REST: variants seen among roughly 807,000 people sequenced by gnomAD.
REST encodes the protein RE1 silencing transcription factor, also known as RE1-silencing transcription factor.
A neutral mutation model predicts 30.4 loss-of-function variants in REST; 1 was observed. That is an observed-to-expected ratio of 0.03 (90% confidence interval 0.01 to 0.16). REST has a LOEUF of 0.16. Ranked by LOEUF, REST falls within the 10% of genes least tolerant of loss-of-function variation. The pLI, the probability that REST is intolerant of heterozygous loss-of-function variation, is 1.00. For synonymous variants in REST, 504 were observed against 451.1 expected, an observed-to-expected ratio of 1.12 and a Z score of -1.49; for missense variants, 1,259 against 1,329.5, an observed-to-expected ratio of 0.95 and a Z score of 0.82.
rs1184775327 is a variant in REST at position 56,911,072 on chromosome 4, C to G, written c.434C>G (p.Pro145Arg). Residue 145 changes from proline to arginine, a missense_variant, in exon 2 of 4, where the codon CCT becomes CGT. Coordinates refer to ENST00000309042, the MANE Select transcript of REST (RefSeq NM_005612.5). ...AATAAAGATCTTCCCCCTGAAACACCTGGAGCGGAGGACAAAGGCAAGAGC... is the reference window on the plus strand; with the variant it reads ...AATAAAGATCTTCCCCCTGAAACACGTGGAGCGGAGGACAAAGGCAAGAGC... ...SSNKDLPPET[P>R]GAEDKGKSSK... 4 of 1,614,018 alleles carry G rather than the reference C, an allele frequency of 2.5e-6. No individual in the cohort carries two copies. The African/African-American group carries it at 4.0e-5, about 16-fold the overall frequency.
rs115143003 is a variant in REST at position 56,931,414 on chromosome 4, G to A, written c.2556G>A (p.Lys852=). 1.5e-3 allele frequency: 2,402 copies of A among 1,614,220 alleles called. 19 individuals are homozygous for A. The African/African-American group carries it at 0.018, about 12-fold the overall frequency. Residue 852 remains lysine (K), a synonymous_variant, in exon 4 of 4, where the codon AAG becomes AAA. Transcript: ENST00000309042. ...CTGTTAAAGATAGCTGGCTTCTAAA[G>A]GAAAGTGTAAGCACAGAGGATCTCT... ...LVPVKDSWLL[K]ESVSTEDLSP... is the part of the protein sequence containing the mutation.
intron 3 of REST, chr4:56,927,606 T>C: frequency 8.9e-7 from 1 of 1,124,212 alleles, no homozygotes; most frequent in African/African-American, 1.7e-5. Flanking sequence ...ATGCATTCCA[T>C]TGGACCAGTG....
intron 1 of REST, 27 bp from the exon 2 acceptor site, chr4:56,910,603 T>G: frequency 6.4e-7 from 1 of 1,556,652 alleles, no homozygotes; most frequent in Non-Finnish European, 8.7e-7. Context: ...AAACTGGTGC[T>G]CTTGTTTTGT....
Position 56,934,865 on chromosome 4 carries a change from G to A in REST, c.*2713G>A, listed in dbSNP as rs1343112868. 6.6e-6 allele frequency: 1 copy of A among 152,098 alleles called. No homozygotes were observed. The highest frequency in any genetic ancestry group is 2.4e-5 in the African/African-American group (1 of 41,422). 9.4% of individuals were successfully genotyped at this position (152,098 alleles called of 1,614,324 possible). A position where few individuals can be genotyped will look rare whatever the true frequency, so the allele number is the denominator to read the frequency against. On this transcript the variant is annotated 3_prime_UTR_variant, in exon 4 of 4. Transcript: ENST00000309042. ...AAGCCTTAATCTTAGGTAGTCTTAT[G>A]AAAATGAATCTCTTAACTATCTTTT...
intron 2 of REST, 21 bp from the exon 3 acceptor site, chr4:56,919,766 T>C: frequency 2.7e-6 from 4 of 1,504,106 alleles, no homozygotes; most frequent in Non-Finnish European, 3.7e-6. Context: ...TAAACACTCT[T>C]ATATTATTGA....
rs545931241 is a variant in REST at position 56,930,475 on chromosome 4, T to G, written c.1617T>G (p.Ser539=). The G allele has an allele frequency of 4.3e-6, 7 of 1,611,926 alleles. No individual in the cohort carries two copies. The South Asian group carries it at 6.6e-5, about 15-fold the overall frequency. ...ATGGTCCTGTGAATGATGAGGAATC[T>G]TCAACAAAAAAGAAAAAGAAGGTAG... The part of the protein sequence containing the change: ...SLHGPVNDEE[S]STKKKKKVES... Residue 539 remains serine, a synonymous_variant, in exon 4 of 4, where the codon TCT becomes TCG. Transcript: ENST00000309042.
rs1721097375 is a variant in REST at position 56,934,964 on chromosome 4, C to G, written c.*2812C>G. ...CCTCTTTTCAGAGCTGCTTCTTATT[C>G]TGGGGCTACTTTTTTTTTTAGTTGT... On this transcript the variant is annotated 3_prime_UTR_variant, in exon 4 of 4. Transcript: ENST00000309042. 6.9e-6 allele frequency: 1 copy of G among 144,600 alleles called. No individual in the cohort carries two copies. Among genetic ancestry groups the G allele is most frequent in the Admixed American group, 6.9e-5 (1 of 14,512 alleles). The allele number at this position is 144,600 out of a possible 1,614,324, so 9.0% of individuals were successfully genotyped here.
chr4:56,926,384 T>C (rs1479032920), intron 3 of REST, among the ~76,000 whole-genome samples: 1 of 150,074 alleles, frequency 6.7e-6, no homozygotes, highest in African/African-American at 2.4e-5. Flanking sequence ...TTTTTATTTA[T>C]TTATTTTTTT....
rs1386263469 is a variant in REST at position 56,930,979 on chromosome 4, A to G, written c.2121A>G (p.Glu707=). The G allele has an allele frequency of 6.2e-7, 1 of 1,614,070 alleles. No individual in the cohort carries two copies. Among genetic ancestry groups the G allele is most frequent in the Non-Finnish European group, 8.5e-7 (1 of 1,179,994 alleles). The change falls in exon 4 of 4, where the codon GAA becomes GAG. Residue 707 remains glutamate (E), a synonymous_variant. Coordinates refer to ENST00000309042, the MANE Select transcript of REST (RefSeq NM_005612.5). ...EVAQMGPAPM[E]PAQMEVAQVE... ...CCCAAATGGGGCCTGCTCCCATGGA[A>G]CCTGCTCAGATGGAGGTTGCCCAGG...
rs774475413 is a variant in REST at position 56,931,217 on chromosome 4, G to T, written c.2359G>T (p.Val787Leu). The change falls in exon 4 of 4, where the codon GTG (valine) becomes TTG (leucine). Residue 787 changes from valine to leucine, a missense_variant. By Grantham distance (32) the Val-to-Leu change is conservative. Around this residue, in one of 5 missense-constraint regions of REST, gnomAD observed 856 missense variants for 772.8 expected, o/e 1.11. Coordinates refer to ENST00000309042, the MANE Select transcript of REST (RefSeq NM_005612.5). ...VQMELSPPMG[V>L]VQKEPAQREP... ...GATGGAGTTGTCTCCTCCCATGGGG[G>T]TGGTTCAGAAGGAGCCTGCTCAGAG... The T allele has an allele frequency of 1.9e-6, 3 of 1,614,134 alleles. No individual in the cohort carries two copies. Among genetic ancestry groups the T allele is most frequent in the Non-Finnish European group, 2.5e-6 (3 of 1,179,994 alleles).
At chr4:56,909,917 G>C (rs1165734596) in intron 1 of REST, among the ~76,000 whole-genome samples, 1 of 152,184 alleles carries the variant, frequency 6.6e-6, no homozygotes, top group Non-Finnish European at 1.5e-5. Flanking sequence ...TGGAACTTCA[G>C]CCTGCAGAAA....
intron 3 of REST, 42 bp downstream of exon 3, chr4:56,919,912 G>A: frequency 9.5e-7 from 1 of 1,047,434 alleles, no homozygotes; most frequent in Non-Finnish European, 1.4e-6. Flanking sequence ...TTCAGTAAAT[G>A]ACCATTTTAA....
intron 3 of REST, among the ~76,000 whole-genome samples, chr4:56,920,524 G>A (rs1247838871): frequency 2.0e-5 from 3 of 151,910 alleles, no homozygotes; most frequent in Non-Finnish European, 4.4e-5. Flanking sequence ...CACTTTGGGA[G>A]GCCAAGGTGG....
At chr4:56,916,603 C>G (rs1720208758) in intron 2 of REST, among the ~76,000 whole-genome samples, 1 of 152,110 alleles carries the variant, frequency 6.6e-6, no homozygotes, top group Non-Finnish European at 1.5e-5. Context: ...CGCCACTGCA[C>G]TCCAGCCTGG....
chr4:56,931,537 T>C lies in REST; in HGVS notation c.2679T>C (p.Pro893=), dbSNP rs565819527. 8 of 1,614,180 alleles carry C rather than the reference T, an allele frequency of 5.0e-6. No homozygotes were observed. In the South Asian group the frequency reaches 7.7e-5, roughly 16 times the overall value. The change falls in exon 4 of 4, where the codon CCT becomes CCC. Residue 893 remains proline (P), a synonymous_variant. Coordinates refer to ENST00000309042, the MANE Select transcript of REST (RefSeq NM_005612.5). ...LNTGEGNKEA[P]LQKVGAEEAD... ...CAGGTGAAGGAAATAAAGAAGCCCC[T>C]CTTCAGAAAGTAGGAGCAGAAGAGG...
Position 56,932,186 on chromosome 4 carries a change from G to A in REST, c.*34G>A, listed in dbSNP as rs777034707. On this transcript the variant is annotated 3_prime_UTR_variant, in exon 4 of 4. Coordinates refer to ENST00000309042, the MANE Select transcript of REST (RefSeq NM_005612.5). ...TGAACAAGGTTTCAGTTCTTAGTTT[G>A]TAAGGTATATTACATTTTATATTCA... The A allele has an allele frequency of 1.3e-6, 2 of 1,560,488 alleles. No homozygotes were observed. The highest frequency in any genetic ancestry group is 1.7e-6 in the Non-Finnish European group (2 of 1,155,538).
At chr4:56,927,129 A>G (rs745755407) in intron 3 of REST, among the ~76,000 whole-genome samples, 1 of 151,896 alleles carries the variant, frequency 6.6e-6, no homozygotes, top group Non-Finnish European at 1.5e-5. Flanking sequence ...ATTGAACTCT[A>G]GAGAGGTTTC....
At chr4:56,912,157 A>C (rs1292763765) in intron 2 of REST, among the ~76,000 whole-genome samples, 1 of 152,206 alleles carries the variant, frequency 6.6e-6, no homozygotes, top group Non-Finnish European at 1.5e-5. Flanking sequence ...TAAATGGAAC[A>C]ACTTGTCTTT....
intron 2 of REST, 24 bp from the exon 3 acceptor site, chr4:56,919,761 ACT>A (rs1720365332): frequency 7.0e-7 from 1 of 1,424,962 alleles, no homozygotes; most frequent in South Asian, 1.2e-5. Context: ...ACATTTAAAC[ACT>A]CTTATATTAT....
Sources: gnomAD v4.1 joint callset for allele counts (sites outside exome capture counted in the v4.1 genomes callset) on GRCh38, gnomAD v4.1.1 for gene constraint, gnomAD v4.1.1 regional missense constraint, MANE v1.5 for transcripts, NCBI Gene and HGNC (gene_info 2026-07-23, HGNC 2026-07-21) for gene names.